Variants in SEPTIN9 observed in about 807,000 individuals in gnomAD.
The protein encoded by SEPTIN9 is septin 9.
In SEPTIN9, 13 loss-of-function variants were observed where a neutral mutation model predicts 56.6. The ratio of observed to expected loss-of-function variants is 0.23; its 90% CI spans 0.15 to 0.37. The LOEUF (loss-of-function observed/expected upper bound fraction) is 0.37. SEPTIN9 is among the 10% of genes least tolerant of loss of function. SEPTIN9 has a pLI of 1.00. For synonymous variants in SEPTIN9, 332 were observed against 334.1 expected (o/e 0.99, Z 0.07); for missense variants, 650 against 823.1 (o/e 0.79, Z 2.57).
chr17:77,345,948 T>A (rs1053243017), intron 2 of SEPTIN9, among the ~76,000 whole-genome samples: 5 of 151,832 alleles, frequency 3.3e-5, no homozygotes, highest in African/African-American at 9.7e-5. Context: ...TGTTTTGTTT[T>A]GTTTTGTTTT....
chr17:77,467,815 A>C (rs942330657), intron 3 of SEPTIN9, among the ~76,000 whole-genome samples: 2 of 152,190 alleles, frequency 1.3e-5, no homozygotes, highest in African/African-American at 2.4e-5. Context: ...TCTGGGAGAG[A>C]CGAGGGGCCG....
rs770599801 is a variant in SEPTIN9 at position 77,372,033 on chromosome 17, C to T, written c.77-30026C>T. Among the ~76,000 whole-genome samples the T allele has an allele frequency of 1.5e-4, 23 of 152,192 alleles. No homozygotes were observed. In the East Asian group the frequency reaches 1.5e-3, roughly 10 times the overall value. On this transcript the variant is annotated intron_variant, in intron 2 of 11. Transcript: ENST00000427177. ...GGGGTGGGGAGGGGCAAGTGGGCAG[C>T]GAGCGACCTCAGACCCAGGATGAGC...
At chr17:77,420,386 A>G (rs2036657085) in intron 3 of SEPTIN9, among the ~76,000 whole-genome samples, 1 of 152,102 alleles carries the variant, frequency 6.6e-6, no homozygotes, top group Non-Finnish European at 1.5e-5. Flanking sequence ...CGAGGCCCCT[A>G]CTGGGCTGCG....
Position 77,451,634 on chromosome 17 carries a change from G to A in SEPTIN9, c.722-30510G>A. Reference sequence around the variant, plus strand: ...CTGATGGCCATGGTGGCGGTGCCGGGAGCCACGCTGTCCCTGGGCCCCGGC... The same window carrying A: ...CTGATGGCCATGGTGGCGGTGCCGGAAGCCACGCTGTCCCTGGGCCCCGGC... On this transcript the variant is annotated intron_variant, in intron 3 of 11. Coordinates refer to ENST00000427177, the MANE Select transcript of SEPTIN9 (RefSeq NM_001113491.2). The surrounding 1 kb of genome is among the most constrained non-coding windows in gnomAD (Gnocchi z 4.2). 1 of 857,184 alleles carries A rather than the reference G, an allele frequency of 1.2e-6. No homozygotes were observed. Among genetic ancestry groups the A allele is most frequent in the Non-Finnish European group, 1.4e-6 (1 of 712,694 alleles). 53.1% of individuals were successfully genotyped at this position (857,184 alleles called of 1,614,324 possible).
chr17:77,335,076 A>G (rs2033493690), intron 2 of SEPTIN9, among the ~76,000 whole-genome samples: 1 of 151,614 alleles, frequency 6.6e-6, no homozygotes. Context: ...GTATTAGTAT[A>G]TACATATCAG....
chr17:77,439,041 T>C (rs1279155953), intron 3 of SEPTIN9, among the ~76,000 whole-genome samples: 1 of 152,152 alleles, frequency 6.6e-6, no homozygotes, highest in African/African-American at 2.4e-5. Flanking sequence ...TTTTAACACT[T>C]AGAATTCTGT....
intron 2 of SEPTIN9, among the ~76,000 whole-genome samples, chr17:77,370,751 T>C (rs1014431211): frequency 6.6e-6 from 1 of 152,208 alleles, no homozygotes; most frequent in Non-Finnish European, 1.5e-5. Context: ...TGGGACTGTG[T>C]GTCCAGGCCC....
chr17:77,402,669 C>G lies in SEPTIN9; in HGVS notation c.687C>G (p.Pro229=). Residue 229 remains proline, a synonymous_variant, in exon 3 of 12, where the codon CCC becomes CCG. Transcript: ENST00000427177. The surrounding 1 kb of genome is among the most constrained non-coding windows in gnomAD (Gnocchi z 6.6). ...LQSRLEPKPQ[P]PVAEATPRSQ... ...GCAGGCTGGAGCCCAAGCCCCAGCC[C>G]CCTGTGGCTGAGGCTACACCCCGGA... 1 of 1,607,154 alleles carries G rather than the reference C, an allele frequency of 6.2e-7. No homozygotes were observed. The highest frequency in any genetic ancestry group is 8.5e-7 in the Non-Finnish European group (1 of 1,176,338).
At chr17:77,288,365 C>G (rs1253566761) in intron 1 of SEPTIN9, among the ~76,000 whole-genome samples, 1 of 152,222 alleles carries the variant, frequency 6.6e-6, no homozygotes, top group East Asian at 1.9e-4. Context: ...GAATGCCATG[C>G]CTGGGCACCT....
At chr17:77,494,365 A>G (rs2040164019) in intron 10 of SEPTIN9, among the ~76,000 whole-genome samples, 1 of 152,134 alleles carries the variant, frequency 6.6e-6, no homozygotes. Context: ...ATTAGAATGG[A>G]AGAGGGGAAG....
At chr17:77,414,655 G>A in intron 3 of SEPTIN9, among the ~76,000 whole-genome samples, 1 of 143,740 alleles carries the variant, frequency 7.0e-6, no homozygotes, top group East Asian at 2.1e-4. Flanking sequence ...TCTGCTCACT[G>A]CAACCTCCAC....
chr17:77,488,397 A>C (rs2039885799), intron 6 of SEPTIN9, 76 bp downstream of exon 6: 1 of 1,403,348 alleles, frequency 7.1e-7, no homozygotes, highest in Admixed American at 1.7e-5. Flanking sequence ...TCAGCCCTAG[A>C]GGTTTCCCGG....
rs183810451 is a variant in SEPTIN9 at position 77,445,590 on chromosome 17, T to C, written c.722-36554T>C. The C allele has an allele frequency of 1.9e-4, 71 of 376,210 alleles. No homozygotes were observed. The highest frequency in any genetic ancestry group is 1.5e-3 in the African/African-American group (70 of 47,038). 23.3% of individuals were successfully genotyped at this position (376,210 alleles called of 1,614,324 possible). On this transcript the variant is annotated intron_variant, in intron 3 of 11. Coordinates refer to ENST00000427177, the MANE Select transcript of SEPTIN9 (RefSeq NM_001113491.2). The surrounding 1 kb of genome is among the most constrained non-coding windows in gnomAD (Gnocchi z 4.7). The stretch of plus-strand genomic sequence containing the variant: ...GAAGCTGTGAAACCACATCCCCTCC[T>C]CTCTGCTGCTGTGTTGCTGTGTGTT...
Position 77,453,328 on chromosome 17 carries a change from G to A in SEPTIN9, c.722-28816G>A, listed in dbSNP as rs984431813. ...CATGTCAAAAATGGCCTTGTTGGCC[G>A]GGCGCAGTGGCTCATGCCTGTAATC... On this transcript the variant is annotated intron_variant, in intron 3 of 11. Coordinates refer to ENST00000427177, the MANE Select transcript of SEPTIN9 (RefSeq NM_001113491.2). The surrounding 1 kb of genome is among the most constrained non-coding windows in gnomAD (Gnocchi z 4.4). 6.6e-5 allele frequency among the ~76,000 whole-genome samples: 10 copies of A among 152,172 alleles called. No homozygotes were observed. Among genetic ancestry groups the A allele is most frequent in the African/African-American group, 9.7e-5 (4 of 41,444 alleles).
At chr17:77,468,692 G>A (rs2038852937) in intron 3 of SEPTIN9, among the ~76,000 whole-genome samples, 1 of 152,196 alleles carries the variant, frequency 6.6e-6, no homozygotes, top group African/African-American at 2.4e-5. Flanking sequence ...CAGGAATCTG[G>A]TATATCCCAG....
rs1005128860 is a variant in SEPTIN9, at chr17:77,310,470, T to A, written c.76+3273T>A. Among the ~76,000 whole-genome samples, 2 of 145,490 alleles carry A rather than the reference T, an allele frequency of 1.4e-5. No individual in the cohort carries two copies. Among genetic ancestry groups the A allele is most frequent in the Admixed American group, 6.8e-5 (1 of 14,662 alleles). The stretch of plus-strand genomic sequence containing the variant: ...ATCCACGAAGCCTTGGTTCACTTAT[T>A]TTGGCAGCTAGCGAGTGTTCCTCTG... On this transcript the variant is annotated intron_variant, in intron 2 of 11. Coordinates refer to ENST00000427177, the MANE Select transcript of SEPTIN9 (RefSeq NM_001113491.2). The surrounding 1 kb of genome is among the most constrained non-coding windows in gnomAD (Gnocchi z 4.7).
At position 77,389,345 on chromosome 17, in the gene SEPTIN9, C is replaced by G. The variant is rs1337650807; in HGVS notation, c.77-12714C>G. Among the ~76,000 whole-genome samples, 1 of 152,082 alleles carries G rather than the reference C, an allele frequency of 6.6e-6. No homozygotes were observed. The highest frequency in any genetic ancestry group is 1.5e-5 in the Non-Finnish European group (1 of 67,994). ...GGGCTATGAGCAGACCAGGAGCCAG[C>G]ATCACGTTTCTCTGTCTCCAGAATC... On this transcript the variant is annotated intron_variant, in intron 2 of 11. Coordinates refer to ENST00000427177, the MANE Select transcript of SEPTIN9 (RefSeq NM_001113491.2). The surrounding 1 kb of genome is among the most constrained non-coding windows in gnomAD (Gnocchi z 4.3).
At chr17:77,301,699 C>T (rs2032062450) in intron 1 of SEPTIN9, among the ~76,000 whole-genome samples, 1 of 152,188 alleles carries the variant, frequency 6.6e-6, no homozygotes, top group Non-Finnish European at 1.5e-5. Context: ...AGGCCTGAGC[C>T]ACCGTGCCCG....
At chr17:77,473,259 CTT>C (rs1348936394) in intron 3 of SEPTIN9, among the ~76,000 whole-genome samples, 1 of 152,222 alleles carries the variant, frequency 6.6e-6, no homozygotes, top group Non-Finnish European at 1.5e-5. Context: ...TGCTCTCCCT[CTT>C]CTCTAGCTGT....
Sources: gnomAD v4.1 joint callset for allele counts (sites outside exome capture counted in the v4.1 genomes callset) on GRCh38, gnomAD v4.1.1 for gene constraint, Gnocchi (gnomAD v3.1) non-coding constraint, MANE v1.5 for transcripts, NCBI Gene and HGNC (gene_info 2026-07-23, HGNC 2026-07-21) for gene names.